SMYD3: variants seen among roughly 807,000 people sequenced by gnomAD.
SMYD3 encodes the protein SET and MYND domain containing 3.
A neutral mutation model predicts 57.7 loss-of-function variants in SMYD3; 36 were observed. The ratio of observed to expected loss-of-function variants is 0.62; its 90% CI spans 0.48 to 0.82. The LOEUF (loss-of-function observed/expected upper bound fraction) is 0.82. Among genes scored for constraint, SMYD3 ranks in the 40% least tolerant of loss-of-function variants. The pLI, the probability that SMYD3 is intolerant of heterozygous loss-of-function variation, is 0.00. For synonymous variants in SMYD3, 211 were observed against 195.0 expected (o/e 1.08, Z -0.68); for missense variants, 515 against 538.8 (o/e 0.96, Z 0.44).
intron 5 of SMYD3, among the ~76,000 whole-genome samples, chr1:246,118,408 AC>A (rs2061373781): frequency 6.6e-6 from 1 of 152,158 alleles, no homozygotes; most frequent in African/African-American, 2.4e-5. Flanking sequence ...CCTTAGAGAC[AC>A]CCTAGAAGCC....
chr1:246,327,338 C>A lies in SMYD3; in HGVS notation c.395-1G>T. ...TTATCTTCAGTCAGTTTGTTAATAT[C>A]TTTTTTAAAGAGAAAATAAATAGCA... On this transcript the variant is annotated splice_acceptor_variant, in intron 4 of 11. Transcript: ENST00000490107. LOFTEE classifies it high-confidence loss of function. The A allele has an allele frequency of 6.2e-7, 1 of 1,607,658 alleles. No individual in the cohort carries two copies. Among genetic ancestry groups the A allele is most frequent in the Non-Finnish European group, 8.5e-7 (1 of 1,177,996 alleles).
At chr1:245,831,882 T>C (rs769489067) in intron 10 of SMYD3, among the ~76,000 whole-genome samples, 4 of 152,190 alleles carry the variant, frequency 2.6e-5, no homozygotes, top group Non-Finnish European at 5.9e-5. Flanking sequence ...TGGTTCCTAA[T>C]TTGGGCGTTT....
chr1:246,378,858 T>C (rs1232457978), intron 1 of SMYD3, among the ~76,000 whole-genome samples: 2 of 123,020 alleles, frequency 1.6e-5, no homozygotes, highest in Non-Finnish European at 3.2e-5. Flanking sequence ...TATATTTATA[T>C]AGTATATATA....
chr1:246,459,168 G>A (rs956868545), intron 1 of SMYD3, among the ~76,000 whole-genome samples: 5 of 150,914 alleles, frequency 3.3e-5, no homozygotes, highest in South Asian at 2.1e-4. Context: ...ACTCTCTCCT[G>A]CTCTGCTGTT....
chr1:246,408,419 G>T (rs2066904753), intron 1 of SMYD3, among the ~76,000 whole-genome samples: 1 of 152,022 alleles, frequency 6.6e-6, no homozygotes, highest in South Asian at 2.1e-4. Flanking sequence ...GCTTAATAGG[G>T]GTGATGTCCT....
chr1:246,492,751 T>C (rs1048275321), intron 1 of SMYD3, among the ~76,000 whole-genome samples: 1 of 152,226 alleles, frequency 6.6e-6, no homozygotes, highest in Non-Finnish European at 1.5e-5. Flanking sequence ...ATGTTAACTG[T>C]GTACAGCCTG....
intron 5 of SMYD3, among the ~76,000 whole-genome samples, chr1:246,281,393 C>T (rs929723559): frequency 1.3e-5 from 2 of 152,348 alleles, no homozygotes; most frequent in South Asian, 2.1e-4. Context: ...GTGCTTTCCA[C>T]ACACTATCAC....
At chr1:246,449,195 G>A (rs2067596018) in intron 1 of SMYD3, among the ~76,000 whole-genome samples, 1 of 152,030 alleles carries the variant, frequency 6.6e-6, no homozygotes, top group Non-Finnish European at 1.5e-5. Flanking sequence ...TCACGCCCCT[G>A]CACTCCACGT....
intron 10 of SMYD3, among the ~76,000 whole-genome samples, chr1:245,828,929 C>A (rs1383713185): frequency 2.6e-5 from 4 of 152,120 alleles, no homozygotes; most frequent in African/African-American, 9.7e-5. Flanking sequence ...TCTCGAACTC[C>A]TGACCCCAGG....
chr1:246,013,682 G>A (rs925969331), intron 5 of SMYD3, among the ~76,000 whole-genome samples: 1 of 152,136 alleles, frequency 6.6e-6, no homozygotes, highest in Non-Finnish European at 1.5e-5. Context: ...GGACACGCCA[G>A]GTATTAGACA....
intron 10 of SMYD3, among the ~76,000 whole-genome samples, chr1:245,770,197 A>T (rs2046280051): frequency 6.6e-6 from 1 of 152,242 alleles, no homozygotes; most frequent in Middle Eastern, 3.2e-3. Context: ...CAAGATCTTG[A>T]AAAGTCAAGA....
intron 5 of SMYD3, among the ~76,000 whole-genome samples, chr1:246,208,374 G>A (rs2362253): frequency 0.42 from 63,102 of 151,850 alleles, 14,719 homozygotes; most frequent in East Asian, 0.79. Flanking sequence ...AAGGAATCTA[G>A]ACATGTGGAT....
chr1:246,033,294 A>G (rs2059711664), intron 5 of SMYD3, among the ~76,000 whole-genome samples: 1 of 152,180 alleles, frequency 6.6e-6, no homozygotes, highest in Non-Finnish European at 1.5e-5. Flanking sequence ...AAAAAAACCC[A>G]GAAGGTTACA....
At chr1:246,438,675 C>T (rs2067416956) in intron 1 of SMYD3, among the ~76,000 whole-genome samples, 1 of 152,102 alleles carries the variant, frequency 6.6e-6, no homozygotes, top group African/African-American at 2.4e-5. Context: ...GGTCCCCAAC[C>T]GTTTTAGCAC....
chr1:245,751,887 G>A (rs898294573), intron 11 of SMYD3, among the ~76,000 whole-genome samples: 4 of 152,266 alleles, frequency 2.6e-5, no homozygotes, highest in East Asian at 3.8e-4. Context: ...GTGCAGGGGA[G>A]GAGTTGGGAC....
At chr1:246,062,187 T>TTAGTGCAACA (rs11283435) in intron 5 of SMYD3, among the ~76,000 whole-genome samples, 134,915 of 151,828 alleles carry the variant, frequency 0.89, 60,372 homozygotes, top group African/African-American at 0.97. Flanking sequence ...CATCATTGAC[T>TTAGTGCAACA]TAAAGATCGT....
chr1:246,300,081 T>TA (rs71813772), intron 5 of SMYD3, among the ~76,000 whole-genome samples: 1 of 151,974 alleles, frequency 6.6e-6, no homozygotes, highest in South Asian at 2.1e-4. Context: ...ATACAACCAT[T>TA]AAAAAATTAT....
chr1:246,386,812 G>A (rs780946576), intron 1 of SMYD3, among the ~76,000 whole-genome samples: 87 of 151,808 alleles, frequency 5.7e-4, no homozygotes, highest in South Asian at 2.9e-3. Context: ...TACCCCTCCC[G>A]CCGTGTATGA....
chr1:246,411,246 A>T (rs937552587), intron 1 of SMYD3, among the ~76,000 whole-genome samples: 1 of 152,226 alleles, frequency 6.6e-6, no homozygotes, highest in Non-Finnish European at 1.5e-5. Flanking sequence ...ACTGGCCATC[A>T]GAGAAATGCA....
Sources: allele counts gnomAD v4.1 joint callset (sites outside exome capture counted in the v4.1 genomes callset), GRCh38; gene constraint gnomAD v4.1.1; transcripts MANE v1.5; gene names NCBI Gene and HGNC (gene_info 2026-07-23, HGNC 2026-07-21).